FLACC1: variants seen among roughly 807,000 people sequenced by gnomAD.
FLACC1 encodes flagellum-associated coiled-coil domain-containing protein 1.
A neutral mutation model predicts 62.8 loss-of-function variants in FLACC1; 66 were observed. That is an observed-to-expected ratio of 1.05 (90% CI 0.86 to 1.29). The LOEUF (loss-of-function observed/expected upper bound fraction) is 1.29. Among genes scored for constraint, FLACC1 ranks in the 50% most tolerant of loss-of-function variants. The pLI is 0.00. For missense variants in FLACC1, 452 were observed against 489.1 expected, an observed-to-expected ratio of 0.92 and a Z score of 0.71; for synonymous variants, 156 against 161.0, an observed-to-expected ratio of 0.97 and a Z score of 0.24.
At chr2:201,333,759 A>G (rs1421251291) in intron 7 of FLACC1, among the ~76,000 whole-genome samples, 2 of 152,168 alleles carry the variant, frequency 1.3e-5, no homozygotes, top group Non-Finnish European at 2.9e-5. Flanking sequence ...GCTGCATAGT[A>G]TTCCATGGTG....
intron 7 of FLACC1, among the ~76,000 whole-genome samples, chr2:201,333,906 T>C (rs900412144): frequency 3.3e-5 from 5 of 152,194 alleles, no homozygotes; most frequent in African/African-American, 1.2e-4. Context: ...TTATAATCCT[T>C]TGGGTATATA....
rs192389469 is a variant in FLACC1, at chr2:201,301,021, C to T, written c.880-1721G>A. ...AATTTTAAAAATCAGAGCGACTCTT[C>T]TCCTCCAAAGGAATGCAGCTCCTCA... On this transcript the variant is annotated intron_variant, in intron 11 of 14. Coordinates refer to ENST00000392257, the MANE Select transcript of FLACC1 (RefSeq NM_001127391.3). Among the ~76,000 whole-genome samples the T allele has an allele frequency of 6.6e-3, 1,012 of 152,344 alleles. 4 individuals carry two copies. The highest frequency in any genetic ancestry group is 0.011 in the Non-Finnish European group (728 of 68,036).
chr2:201,320,066 G>T (rs1264906160), intron 9 of FLACC1, among the ~76,000 whole-genome samples: 3 of 152,228 alleles, frequency 2.0e-5, no homozygotes, highest in African/African-American at 7.2e-5. Context: ...GAACTGACTT[G>T]GGGAGGGATG....
intron 11 of FLACC1, among the ~76,000 whole-genome samples, chr2:201,301,135 G>T (rs904127465): frequency 6.6e-6 from 1 of 152,154 alleles, no homozygotes; most frequent in African/African-American, 2.4e-5. Context: ...GCTTCTCCAA[G>T]TTAAAGGAGG....
intron 9 of FLACC1, among the ~76,000 whole-genome samples, chr2:201,328,324 T>A (rs1431507648): frequency 1.3e-5 from 2 of 152,178 alleles, no homozygotes; most frequent in East Asian, 1.9e-4. Context: ...AAAACTTTTT[T>A]AAAAACCCCA....
At chr2:201,302,907 A>C (rs1407698375) in intron 11 of FLACC1, among the ~76,000 whole-genome samples, 1 of 152,144 alleles carries the variant, frequency 6.6e-6, no homozygotes, top group Non-Finnish European at 1.5e-5. Flanking sequence ...AACATACCAG[A>C]CTCTCTGGGA....
upstream of FLACC1, among the ~76,000 whole-genome samples, chr2:201,360,745 T>C (rs1951179499): frequency 6.6e-6 from 1 of 152,182 alleles, no homozygotes; most frequent in Admixed American, 6.5e-5. Flanking sequence ...GGGCTCTGCA[T>C]AGGACAGGCA....
chr2:201,290,698 A>C (rs1949713646), intron 12 of FLACC1, among the ~76,000 whole-genome samples: 1 of 152,182 alleles, frequency 6.6e-6, no homozygotes, highest in African/African-American at 2.4e-5. Flanking sequence ...CAGTGGGTGC[A>C]GTGCACTGAG....
intron 9 of FLACC1, among the ~76,000 whole-genome samples, chr2:201,321,085 A>G (rs936018069): frequency 3.3e-5 from 5 of 152,228 alleles, no homozygotes; most frequent in Non-Finnish European, 7.3e-5. Context: ...AGTGTTCGAG[A>G]AAGCCAACAC....
intron 1 of FLACC1, among the ~76,000 whole-genome samples, chr2:201,354,760 A>C (rs1951087812): frequency 6.6e-6 from 1 of 152,208 alleles, no homozygotes; most frequent in Admixed American, 6.5e-5. Flanking sequence ...TGGGAGATTT[A>C]GCAGGAGTCC....
intron 9 of FLACC1, among the ~76,000 whole-genome samples, chr2:201,314,031 A>C (rs1306790642): frequency 6.6e-6 from 1 of 152,198 alleles, no homozygotes; most frequent in Non-Finnish European, 1.5e-5. Flanking sequence ...CTACATCAAG[A>C]GAACACGCCA....
chr2:201,304,828 G>A (rs1055873791), intron 11 of FLACC1, among the ~76,000 whole-genome samples: 1 of 152,156 alleles, frequency 6.6e-6, no homozygotes, highest in African/African-American at 2.4e-5. Flanking sequence ...AACAAGAAAT[G>A]GGGAAAGTAC....
intron 1 of FLACC1, among the ~76,000 whole-genome samples, chr2:201,355,429 G>A (rs748689184): frequency 1.3e-5 from 2 of 152,152 alleles, no homozygotes; most frequent in Non-Finnish European, 2.9e-5. Flanking sequence ...GAGGTAAATT[G>A]TATGGGTGAT....
chr2:201,319,335 C>G (rs900740510), intron 9 of FLACC1, among the ~76,000 whole-genome samples: 1 of 152,094 alleles, frequency 6.6e-6, no homozygotes, highest in Non-Finnish European at 1.5e-5. Context: ...TGGGCCCCTA[C>G]CTTTCACCAT....
chr2:201,301,323 G>A (rs1949977359), intron 11 of FLACC1, among the ~76,000 whole-genome samples: 1 of 152,188 alleles, frequency 6.6e-6, no homozygotes, highest in African/African-American at 2.4e-5. Context: ...GTGGAAGAAA[G>A]GGTATCAGTG....
intron 1 of FLACC1, among the ~76,000 whole-genome samples, chr2:201,354,375 G>C (rs905496608): frequency 6.6e-6 from 1 of 152,214 alleles, no homozygotes; most frequent in African/African-American, 2.4e-5. Context: ...GAAAGGCAGC[G>C]TGTGCAGGGG....
intron 9 of FLACC1, among the ~76,000 whole-genome samples, chr2:201,324,881 C>T (rs532833707): frequency 6.6e-6 from 1 of 152,248 alleles, no homozygotes; most frequent in African/African-American, 2.4e-5. Context: ...GTAATTCTAG[C>T]ACTTTGGGAG....
chr2:201,354,634 A>T (rs1057428154), intron 1 of FLACC1, among the ~76,000 whole-genome samples: 1 of 152,166 alleles, frequency 6.6e-6, no homozygotes, highest in African/African-American at 2.4e-5. Flanking sequence ...TGATGCTACA[A>T]GGGGCTGGAA....
intron 4 of FLACC1, among the ~76,000 whole-genome samples, chr2:201,347,186 T>C (rs899481104): frequency 2.6e-5 from 4 of 152,226 alleles, no homozygotes; most frequent in African/African-American, 9.7e-5. Context: ...CATTTCCTCC[T>C]CCTTTTCCCA....
Sources: allele counts gnomAD v4.1 joint callset (sites outside exome capture counted in the v4.1 genomes callset), GRCh38; gene constraint gnomAD v4.1.1; transcripts MANE v1.5; gene names NCBI Gene and HGNC (gene_info 2026-07-23, HGNC 2026-07-21).